CHAF1A: variants seen among roughly 807,000 people sequenced by gnomAD.
The protein encoded by CHAF1A is chromatin assembly factor 1 subunit A.
In CHAF1A, 5 loss-of-function variants were observed where a neutral mutation model predicts 93.2. That is an observed-to-expected ratio of 0.05 (90% CI 0.03 to 0.11). The LOEUF (loss-of-function observed/expected upper bound fraction) is 0.11. Among genes scored for constraint, CHAF1A ranks in the 10% least tolerant of loss-of-function variants. CHAF1A has a pLI of 1.00. For missense variants in CHAF1A, 1,102 were observed against 1,259.9 expected (o/e 0.87, Z 1.90); for synonymous variants, 504 against 510.3 (o/e 0.99, Z 0.17).
chr19:4,436,765 CT>C (rs1376273162), intron 13 of CHAF1A, among the ~76,000 whole-genome samples: 2 of 152,116 alleles, frequency 1.3e-5, no homozygotes, highest in Non-Finnish European at 2.9e-5. Context: ...GATGCAGCAG[CT>C]GCCTCTCCCA....
rs948449521 is a variant in CHAF1A, at chr19:4,433,608, G to T, written c.2673+69G>T. The T allele has an allele frequency of 4.7e-6, 6 of 1,281,796 alleles. No individual in the cohort carries two copies. The highest frequency in any genetic ancestry group is 4.5e-5 in the African/African-American group (3 of 66,048). The allele number at this position is 1,281,796 out of a possible 1,614,324, so 79.4% of individuals were successfully genotyped here. A position where few individuals can be genotyped will look rare whatever the true frequency, so the allele number is the denominator to read the frequency against. On this transcript the variant is annotated intron_variant, in intron 13 of 14. Coordinates refer to ENST00000301280, the MANE Select transcript of CHAF1A (RefSeq NM_005483.3). The surrounding 1 kb of genome is among the most constrained non-coding windows in gnomAD (Gnocchi z 5.6). ...TTTTTTGTTTGTTTTTTGTTGTTTT[G>T]TTTTTTTTTCGAGATGGAGTCCTGC...
chr19:4,445,362 G>T, downstream of CHAF1A: 3 of 1,438,152 alleles, frequency 2.1e-6, no homozygotes, highest in South Asian at 1.3e-5. Context: ...ACAGCTCCAC[G>T]GCTGGCGCCC....
chr19:4,433,284 A>G lies in CHAF1A; in HGVS notation c.2418A>G (p.Ser806=), dbSNP rs2145134015. Reference sequence around the variant, plus strand: ...TCAAGCGGCTCATTTCCGAGAACTCAGTGTATGAGAAGCGGCCTGACTTCA... The same window carrying G: ...TCAAGCGGCTCATTTCCGAGAACTCGGTGTATGAGAAGCGGCCTGACTTCA... ...SRLKRLISEN[S]VYEKRPDFRM... The change falls in exon 13 of 15, where the codon TCA becomes TCG. Residue 806 remains serine (S), a synonymous_variant. Transcript: ENST00000301280. This position sits in a 1 kb window ranked among gnomAD's most constrained non-coding sequence, Gnocchi z 5.6. 5 of 1,614,062 alleles carry G rather than the reference A, an allele frequency of 3.1e-6. No homozygotes were observed. The highest frequency in any genetic ancestry group is 4.2e-6 in the Non-Finnish European group (5 of 1,180,010).
intron 3 of CHAF1A, among the ~76,000 whole-genome samples, chr19:4,411,173 C>G (rs555515457): frequency 2.2e-4 from 34 of 152,228 alleles, no homozygotes; most frequent in African/African-American, 7.9e-4. Context: ...CAGTAGACCA[C>G]CTGGACCATA....
downstream of CHAF1A, chr19:4,446,426 G>A (rs1463928433): frequency 1.3e-6 from 2 of 1,576,924 alleles, no homozygotes; most frequent in Admixed American, 1.8e-5. Flanking sequence ...GCACACGCGG[G>A]CCAGGTCACG....
chr19:4,431,144 C>A (rs867469084), intron 11 of CHAF1A: 1,309 of 112,864 alleles, frequency 0.012, 21 homozygotes, highest in African/African-American at 0.041. Flanking sequence ...TTTTTTTTTT[C>A]TTGAGACGGA....
At chr19:4,429,846 C>A in intron 10 of CHAF1A, 58 bp downstream of exon 10, 1 of 1,456,066 alleles carries the variant, frequency 6.9e-7, no homozygotes, top group Non-Finnish European at 9.5e-7. Context: ...AGTCTCTGTC[C>A]CACAGTGAGG....
At chr19:4,418,140 A>T (rs1973927985) in intron 4 of CHAF1A, 64 bp downstream of exon 4, 2 of 1,081,032 alleles carry the variant, frequency 1.9e-6, no homozygotes, top group African/African-American at 3.2e-5. Context: ...ATAGTAAGCA[A>T]AGCCCTTTGA....
intron 13 of CHAF1A, among the ~76,000 whole-genome samples, chr19:4,435,968 GTC>G (rs1974275966): frequency 6.6e-6 from 1 of 152,140 alleles, no homozygotes; most frequent in South Asian, 2.1e-4. Flanking sequence ...GTGAAACCCT[GTC>G]TCTACTAAAA....
rs1568180148 is a variant in CHAF1A, at chr19:4,432,159, G to A, written c.2155G>A (p.Glu719Lys). 1 of 1,612,430 alleles carries A rather than the reference G, an allele frequency of 6.2e-7. No homozygotes were observed. Residue 719 changes from glutamate (E) to lysine (K), a missense_variant, in exon 12 of 15, where the codon GAG (glutamate) becomes AAG (lysine). Transcript: ENST00000301280. Reference protein sequence around the residue: ...ACFLETLPAQEEQTPKASKRE... With the variant: ...ACFLETLPAQKEQTPKASKRE... ...CTTCCTGGAGACCCTGCCGGCCCAG[G>A]AGGAGCAGACGCCCAAGGCCTCCAA...
At chr19:4,417,341 A>C (rs1373544724) in intron 3 of CHAF1A, among the ~76,000 whole-genome samples, 1 of 152,110 alleles carries the variant, frequency 6.6e-6, no homozygotes. Flanking sequence ...GAGAAATTGG[A>C]AGGACCAGCA....
Position 4,430,700 on chromosome 19 carries a change from T to C in CHAF1A, c.1947+59T>C, listed in dbSNP as rs553902104. The C allele has an allele frequency of 2.0e-5, 31 of 1,586,238 alleles. No individual in the cohort carries two copies. In the Admixed American group the frequency reaches 4.7e-4, roughly 24 times the overall value. Reference sequence around the variant, plus strand: ...CAAAAGTTCATTTCTGGACTGGTGCTCAGTGGCCTGACCTGGGAGGGTGAC... The same window carrying C: ...CAAAAGTTCATTTCTGGACTGGTGCCCAGTGGCCTGACCTGGGAGGGTGAC... On this transcript the variant is annotated intron_variant, in intron 11 of 14. Coordinates refer to ENST00000301280, the MANE Select transcript of CHAF1A (RefSeq NM_005483.3).
At position 4,423,943 on chromosome 19, in the gene CHAF1A, G is replaced by T. The variant is rs565939773; in HGVS notation, c.1377+69G>T. 7 of 1,444,404 alleles carry T rather than the reference G, an allele frequency of 4.8e-6. No individual in the cohort carries two copies. The African/African-American group carries it at 8.4e-5, about 17-fold the overall frequency. The allele number at this position is 1,444,404 out of a possible 1,614,324, so 89.5% of individuals were successfully genotyped here. ...GACTTTTCCTTTCTGAAAGTGAAAG[G>T]GTCTCTCCCCAGCCAGCTTCTCTCA... On this transcript the variant is annotated intron_variant, in intron 7 of 14. Transcript: ENST00000301280.
downstream of CHAF1A, chr19:4,446,968 G>A: frequency 6.3e-7 from 1 of 1,579,730 alleles, no homozygotes; most frequent in Non-Finnish European, 8.7e-7. Flanking sequence ...TTCCTCCATG[G>A]CCTGGCCACA....
rs12610186 is a variant in CHAF1A at position 4,407,089 on chromosome 19, G to A, written c.103+1127G>A. On this transcript the variant is annotated intron_variant, in intron 2 of 14. Coordinates refer to ENST00000301280, the MANE Select transcript of CHAF1A (RefSeq NM_005483.3). Reference sequence around the variant, plus strand: ...TACAAAATAGCTGGGCATGGTAGGGGGCACCTGTAGTCCCAGCTACTCAGG... The same window carrying A: ...TACAAAATAGCTGGGCATGGTAGGGAGCACCTGTAGTCCCAGCTACTCAGG... Among the ~76,000 whole-genome samples the A allele has an allele frequency of 4.3e-4, 66 of 151,924 alleles. No homozygotes were observed. In the East Asian group the frequency reaches 9.3e-3, roughly 21 times the overall value.
intron 7 of CHAF1A, among the ~76,000 whole-genome samples, chr19:4,425,734 G>A (rs552368495): frequency 1.3e-5 from 2 of 152,322 alleles, no homozygotes; most frequent in African/African-American, 2.4e-5. Flanking sequence ...GGACAGCCAA[G>A]TAAGCATGAG....
intron 1 of CHAF1A, among the ~76,000 whole-genome samples, chr19:4,403,876 G>C (rs1973633361): frequency 6.6e-6 from 1 of 152,200 alleles, no homozygotes; most frequent in South Asian, 2.1e-4. Context: ...TTTATTTTGA[G>C]ACTGAGTCTT....
At chr19:4,447,823 G>C, downstream of CHAF1A, 1 of 598,372 alleles carries the variant, frequency 1.7e-6, no homozygotes, top group South Asian at 1.8e-5. Context: ...CCCACCCCTG[G>C]TGCCAGCAGG....
chr19:4,442,170 T>A, intron 13 of CHAF1A, 75 bp from the exon 14 acceptor site: 7 of 1,214,570 alleles, frequency 5.8e-6, no homozygotes, highest in African/African-American at 1.5e-5. Flanking sequence ...ACCTGTGGAG[T>A]TCCCCCCGCT....
Sources: allele counts gnomAD v4.1 joint callset (sites outside exome capture counted in the v4.1 genomes callset), GRCh38; gene constraint gnomAD v4.1.1; non-coding constraint Gnocchi (gnomAD v3.1); transcripts MANE v1.5; gene names NCBI Gene and HGNC (gene_info 2026-07-23, HGNC 2026-07-21).